The following DNAH9 variants were observed in gnomAD, a reference collection of about 807,000 sequenced individuals.
The protein encoded by DNAH9 is DNAH9 variant protein.
Under a neutral mutation model 471.6 loss-of-function variants are expected in DNAH9, and 345 were observed. The observed-to-expected ratio is 0.73, with a 90% confidence interval of 0.67 to 0.80. The LOEUF is 0.80. DNAH9 is among the 30% of genes least tolerant of loss of function. DNAH9 has a pLI of 0.00. For synonymous variants in DNAH9, 2,093 were observed against 2,123.6 expected, an observed-to-expected ratio of 0.99 and a Z score of 0.40; for missense variants, 5,407 against 5,609.2, an observed-to-expected ratio of 0.96 and a Z score of 1.15.
intron 68 of DNAH9, among the ~76,000 whole-genome samples, chr17:11,965,215 T>C (rs1018493165): frequency 6.6e-6 from 1 of 152,204 alleles, no homozygotes; most frequent in Non-Finnish European, 1.5e-5. Flanking sequence ...CAGTACACTC[T>C]AGCTAACCTT....
chr17:11,948,224 CTT>C (rs1211322234), intron 67 of DNAH9, among the ~76,000 whole-genome samples: 79 of 86,718 alleles, frequency 9.1e-4, no homozygotes, highest in East Asian at 1.8e-3. Context: ...TAATCTGGCT[CTT>C]TTTTTTTTTT....
At chr17:11,889,152 C>T (rs1482107593) in intron 57 of DNAH9, among the ~76,000 whole-genome samples, 1 of 152,192 alleles carries the variant, frequency 6.6e-6, no homozygotes, top group African/African-American at 2.4e-5. Flanking sequence ...GGTTCTCCTG[C>T]AGATTGATGG....
intron 35 of DNAH9, among the ~76,000 whole-genome samples, chr17:11,758,674 G>A (rs993097997): frequency 1.1e-4 from 16 of 152,120 alleles, no homozygotes; most frequent in African/African-American, 2.4e-4. Flanking sequence ...AAACGATACT[G>A]CAACAGGGCT....
chr17:11,912,265 C>G (rs993338279), intron 61 of DNAH9, among the ~76,000 whole-genome samples: 2 of 152,156 alleles, frequency 1.3e-5, no homozygotes, highest in Non-Finnish European at 2.9e-5. Flanking sequence ...GATCTGCCTG[C>G]CTCGACCTCC....
chr17:11,889,269 A>T (rs556975340), intron 57 of DNAH9, among the ~76,000 whole-genome samples: 1 of 152,326 alleles, frequency 6.6e-6, no homozygotes, highest in African/African-American at 2.4e-5. Context: ...AGGCAAAAAT[A>T]ACACAGCATT....
Position 11,704,208 on chromosome 17 carries a change from C to T in DNAH9, c.5157C>T (p.Ala1719=), listed in dbSNP as rs745550975. Residue 1719 remains alanine (A), a synonymous_variant, in exon 25 of 69, where the codon GCC becomes GCT. Coordinates refer to ENST00000262442, the MANE Select transcript of DNAH9 (RefSeq NM_001372.4). ...QWLFDHPAQV[A]LTCTQIWWTT... is the part of the protein sequence containing the mutation. ...GGCAACTCTTGCTGCCACAGGTGGCCCTGACCTGTACTCAGATCTGGTGGA... is the reference window on the plus strand; with the variant it reads ...GGCAACTCTTGCTGCCACAGGTGGCTCTGACCTGTACTCAGATCTGGTGGA... The T allele has an allele frequency of 1.2e-6, 2 of 1,614,028 alleles. No individual in the cohort carries two copies. Among genetic ancestry groups the T allele is most frequent in the Non-Finnish European group, 1.7e-6 (2 of 1,179,994 alleles).
chr17:11,749,004 T>G (rs1199721322), intron 32 of DNAH9, among the ~76,000 whole-genome samples: 1 of 151,974 alleles, frequency 6.6e-6, no homozygotes, highest in Non-Finnish European at 1.5e-5. Context: ...TTCTTATTGA[T>G]CTTAGTAATT....
chr17:11,818,935 A>G (rs2043894850), intron 45 of DNAH9, among the ~76,000 whole-genome samples: 1 of 150,732 alleles, frequency 6.6e-6, no homozygotes, highest in South Asian at 2.1e-4. Flanking sequence ...CTTTTCCTCC[A>G]TTATTACCAT....
At chr17:11,725,154 G>A (rs1306680880) in intron 27 of DNAH9, among the ~76,000 whole-genome samples, 3 of 152,196 alleles carry the variant, frequency 2.0e-5, no homozygotes, top group Admixed American at 6.5e-5. Flanking sequence ...CTCACCTGCT[G>A]CTCACCTCCT....
At chr17:11,801,684 T>A (rs1241094274) in intron 43 of DNAH9, among the ~76,000 whole-genome samples, 2 of 151,530 alleles carry the variant, frequency 1.3e-5, no homozygotes, top group African/African-American at 4.9e-5. Flanking sequence ...AGAGTGAAAC[T>A]CCATCTCAAA....
intron 38 of DNAH9, among the ~76,000 whole-genome samples, chr17:11,771,651 T>C (rs2150881222): frequency 6.6e-6 from 1 of 152,364 alleles, no homozygotes; most frequent in African/African-American, 2.4e-5. Context: ...AGCAGTTCGC[T>C]GTCTGCCTCA....
intron 28 of DNAH9, among the ~76,000 whole-genome samples, chr17:11,736,094 C>A (rs2075342048): frequency 6.6e-6 from 1 of 152,142 alleles, no homozygotes; most frequent in Non-Finnish European, 1.5e-5. Context: ...TTTAGCCTCC[C>A]CTTAATGCTA....
rs1391261783 is a variant in DNAH9, at chr17:11,822,497, A to C, written c.8910A>C (p.Pro2970=). The C allele has an allele frequency of 1.2e-6, 2 of 1,614,052 alleles. No individual in the cohort carries two copies. Among genetic ancestry groups the C allele is most frequent in the African/African-American group, 2.7e-5 (2 of 74,918 alleles). ...NKLRVRSRKF[P]AIVNCTAIHW... ...TAAGAGTCCGCAGCAGGAAGTTCCC[A>C]GCCATTGTGAACTGCACAGCCATCC... Residue 2970 remains proline, a synonymous_variant, in exon 47 of 69, where the codon CCA becomes CCC. Transcript: ENST00000262442.
intron 14 of DNAH9, among the ~76,000 whole-genome samples, chr17:11,653,763 G>C (rs1464358470): frequency 1.3e-5 from 2 of 152,142 alleles, no homozygotes; most frequent in Non-Finnish European, 2.9e-5. Context: ...TTATCTTTGA[G>C]AGTAAAGAGC....
Position 11,669,235 on chromosome 17 carries a change from C to T in DNAH9, c.2903C>T (p.Pro968Leu). 6.2e-7 allele frequency: 1 copy of T among 1,613,812 alleles called. No homozygotes were observed. Among genetic ancestry groups the T allele is most frequent in the Non-Finnish European group, 8.5e-7 (1 of 1,179,844 alleles). ...RIPSLVPRLS[P>L]QNGSPHYQVD... is the part of the protein sequence containing the mutation. ...CCATCTCTGGTGCCACGGCTTTCCCCACAAAATGGCTCTCCTCACTATCAG... is the reference window on the plus strand; with the variant it reads ...CCATCTCTGGTGCCACGGCTTTCCCTACAAAATGGCTCTCCTCACTATCAG... The change falls in exon 16 of 69, where the codon CCA becomes CTA. Residue 968 changes from proline (P) to leucine (L), a missense_variant. Pro to Leu is a moderately conservative substitution (Grantham distance 98). Around this residue, in one of 3 missense-constraint regions of DNAH9, gnomAD observed 4,636 missense variants for 4,900.3 expected, o/e 0.95. Coordinates refer to ENST00000262442, the MANE Select transcript of DNAH9 (RefSeq NM_001372.4).
intron 6 of DNAH9, among the ~76,000 whole-genome samples, chr17:11,627,456 A>G (rs963214839): frequency 6.6e-6 from 1 of 152,224 alleles, no homozygotes; most frequent in Non-Finnish European, 1.5e-5. Flanking sequence ...CATCCACAGA[A>G]TTATGACGAA....
intron 51 of DNAH9, among the ~76,000 whole-genome samples, 199 bp downstream of exon 51, chr17:11,869,452 T>C (rs1193001785): frequency 6.6e-6 from 1 of 152,212 alleles, no homozygotes; most frequent in Non-Finnish European, 1.5e-5. Context: ...AGTTTTCTTA[T>C]AGACATGGTT....
At chr17:11,797,871 G>T (rs1272757825) in intron 43 of DNAH9, 78 bp downstream of exon 43, 3 of 1,450,632 alleles carry the variant, frequency 2.1e-6, no homozygotes, top group South Asian at 1.3e-5. Flanking sequence ...GCTATTTGAG[G>T]TCACTTCCGT....
intron 8 of DNAH9, among the ~76,000 whole-genome samples, chr17:11,635,148 T>C (rs1451949742): frequency 6.6e-6 from 1 of 152,034 alleles, no homozygotes; most frequent in Non-Finnish European, 1.5e-5. Flanking sequence ...ACACTCTTTT[T>C]CATTTTATTA....
Sources: allele counts gnomAD v4.1 joint callset (sites outside exome capture counted in the v4.1 genomes callset), GRCh38; gene constraint gnomAD v4.1.1; regional missense constraint gnomAD v4.1.1; transcripts MANE v1.5; gene names NCBI Gene and HGNC (gene_info 2026-07-23, HGNC 2026-07-21).